DCUN1D1: variants seen among roughly 807,000 people sequenced by gnomAD.
DCUN1D1 encodes the protein defective in cullin neddylation 1 domain containing 1.
Under a neutral mutation model 39.0 loss-of-function variants are expected in DCUN1D1, and 3 were observed. That is an observed-to-expected ratio of 0.08 (90% CI 0.04 to 0.20). The LOEUF (loss-of-function observed/expected upper bound fraction) is 0.20. DCUN1D1 is among the 10% of genes least tolerant of loss of function. DCUN1D1 has a pLI of 1.00. For missense variants in DCUN1D1, 158 were observed against 302.4 expected (o/e 0.52, Z 3.54); for synonymous variants, 82 against 96.3 (o/e 0.85, Z 0.87).
rs1726067484 is a variant in DCUN1D1, at chr3:182,940,015, G to A, written c.*5079C>T. ...ACACGCTGCTTTCAAAGGATTCCAA[G>A]TACACCCATCTCTAAATCTTACTGA... On this transcript the variant is annotated 3_prime_UTR_variant, in exon 7 of 7. Transcript: ENST00000292782. 1.3e-5 allele frequency: 2 copies of A among 152,132 alleles called. No homozygotes were observed. The highest frequency in any genetic ancestry group is 4.8e-5 in the African/African-American group (2 of 41,444). The allele number at this position is 152,132 out of a possible 1,614,324, so 9.4% of individuals were successfully genotyped here.
chr3:182,976,221 C>T (rs1426812704), intron 1 of DCUN1D1, among the ~76,000 whole-genome samples: 1 of 152,082 alleles, frequency 6.6e-6, no homozygotes, highest in Non-Finnish European at 1.5e-5. Flanking sequence ...TCTGAAAAAA[C>T]TGCTTTTAAA....
intron 1 of DCUN1D1, among the ~76,000 whole-genome samples, chr3:182,971,863 A>G (rs1466647966): frequency 1.3e-5 from 2 of 152,178 alleles, no homozygotes; most frequent in Non-Finnish European, 2.9e-5. Context: ...GAAAAGAAAA[A>G]CAAAAAGGGC....
chr3:182,977,048 G>A (rs1182192929), intron 1 of DCUN1D1, among the ~76,000 whole-genome samples: 7 of 152,158 alleles, frequency 4.6e-5, no homozygotes, highest in African/African-American at 1.4e-4. Context: ...CCATTAATAT[G>A]AATTTTGTTA....
At chr3:182,947,426 C>G in intron 5 of DCUN1D1, 92 bp from the exon 6 acceptor site, 1 of 1,118,050 alleles carries the variant, frequency 8.9e-7, no homozygotes, top group Non-Finnish European at 1.3e-6. Flanking sequence ...GAATGCAAAA[C>G]AATTATGTAA....
In DCUN1D1 at chr3:182,942,390, TA is replaced by T. The variant is rs1422772070; in HGVS notation, c.*2703del. On this transcript the variant is annotated 3_prime_UTR_variant, in exon 7 of 7. Coordinates refer to ENST00000292782, the MANE Select transcript of DCUN1D1 (RefSeq NM_020640.4). ...GTCATGGCAATTTCACTGCAGCTTT[TA>T]TTGCCTCTGTTGGTAATATGACAGG... is the stretch of plus-strand genomic sequence containing the variant. The T allele has an allele frequency of 6.6e-6, 1 of 152,142 alleles. No individual in the cohort carries two copies. Among genetic ancestry groups the T allele is most frequent in the Non-Finnish European group, 1.5e-5 (1 of 68,008 alleles). The allele number at this position is 152,142 out of a possible 1,614,324, so 9.4% of individuals were successfully genotyped here.
chr3:182,979,323 A>G (rs1369056804), intron 1 of DCUN1D1, among the ~76,000 whole-genome samples: 1 of 152,224 alleles, frequency 6.6e-6, no homozygotes, highest in African/African-American at 2.4e-5. Context: ...TTCAGCAAAA[A>G]TAAGACCAAC....
chr3:182,939,435 A>G lies in DCUN1D1; in HGVS notation c.*5659T>C, dbSNP rs79572438. On this transcript the variant is annotated 3_prime_UTR_variant, in exon 7 of 7. Coordinates refer to ENST00000292782, the MANE Select transcript of DCUN1D1 (RefSeq NM_020640.4). ...GCATTATTATTCGCAATTTAAAAAA[A>G]CTAATTGTAGGCCAGCCAAATGTCT... The G allele has an allele frequency of 6.6e-6, 1 of 152,250 alleles. No homozygotes were observed. Among genetic ancestry groups the G allele is most frequent in the East Asian group, 1.9e-4 (1 of 5,202 alleles). 9.4% of individuals were successfully genotyped at this position (152,250 alleles called of 1,614,324 possible).
At chr3:182,967,767 A>G (rs1727745032) in intron 1 of DCUN1D1, among the ~76,000 whole-genome samples, 1 of 152,264 alleles carries the variant, frequency 6.6e-6, no homozygotes, top group South Asian at 2.1e-4. Context: ...TTTACTGTTC[A>G]ATGACAACAA....
At position 182,945,069 on chromosome 3, in the gene DCUN1D1, T is replaced by A; in HGVS notation, c.*25A>T. ...TGTTGTATTTATTGTACAGACTATG[T>A]ACATTCTAGAAGGTTCCTTTAGTGC... On this transcript the variant is annotated 3_prime_UTR_variant, in exon 7 of 7. Transcript: ENST00000292782. 1 of 1,591,406 alleles carries A rather than the reference T, an allele frequency of 6.3e-7. No individual in the cohort carries two copies. The highest frequency in any genetic ancestry group is 8.6e-7 in the Non-Finnish European group (1 of 1,161,424).
At chr3:182,964,709 T>C (rs1727579408) in intron 2 of DCUN1D1, among the ~76,000 whole-genome samples, 1 of 151,008 alleles carries the variant, frequency 6.6e-6, no homozygotes, top group African/African-American at 2.4e-5. Flanking sequence ...GGCATGATCT[T>C]AGCTCACTGT....
intron 1 of DCUN1D1, among the ~76,000 whole-genome samples, chr3:182,975,901 T>C (rs938155937): frequency 7.1e-6 from 1 of 141,036 alleles, no homozygotes; most frequent in Admixed American, 7.2e-5. Context: ...ATTTCAGAAG[T>C]GGGAGTGGAG....
At chr3:182,968,605 CT>C (rs953091292) in intron 1 of DCUN1D1, among the ~76,000 whole-genome samples, 248 of 145,556 alleles carry the variant, frequency 1.7e-3, no homozygotes, top group Admixed American at 4.0e-3. Flanking sequence ...TAAATGTAAA[CT>C]TTTTTTTTTT....
At chr3:182,968,937 C>T (rs1484230310) in intron 1 of DCUN1D1, among the ~76,000 whole-genome samples, 1 of 152,148 alleles carries the variant, frequency 6.6e-6, no homozygotes, top group Non-Finnish European at 1.5e-5. Flanking sequence ...TATAAATTTC[C>T]ACTATATAGG....
At chr3:182,966,193 A>G (rs1727659115) in intron 1 of DCUN1D1, among the ~76,000 whole-genome samples, 1 of 152,170 alleles carries the variant, frequency 6.6e-6, no homozygotes, top group African/African-American at 2.4e-5. Flanking sequence ...CTGGGGAACC[A>G]TGAGATTAAC....
At chr3:182,967,742 A>G (rs1051026977) in intron 1 of DCUN1D1, among the ~76,000 whole-genome samples, 3 of 152,240 alleles carry the variant, frequency 2.0e-5, no homozygotes, top group African/African-American at 7.2e-5. Context: ...TTTGAAAACT[A>G]TCTCCTCCTT....
chr3:182,965,539 T>C lies in DCUN1D1; in HGVS notation c.218A>G (p.Lys73Arg). ...KKLEQLYNRY[K>R]DPQDENKIGI... ...TAAAGTCACAAGCAAGCACTCACCT[T>C]TGTATCTATTGTACAGCTGTTCTAA... The change falls in exon 2 of 7, where the codon AAA becomes AGA. Residue 73 changes from lysine to arginine, a missense_variant and splice_region_variant. Around this residue, in one of 4 missense-constraint regions of DCUN1D1, gnomAD observed 107 missense variants for 174.7 expected, o/e 0.61. Coordinates refer to ENST00000292782, the MANE Select transcript of DCUN1D1 (RefSeq NM_020640.4). 1 of 1,606,176 alleles carries C rather than the reference T, an allele frequency of 6.2e-7. No homozygotes were observed. Among genetic ancestry groups the C allele is most frequent in the South Asian group, 1.1e-5 (1 of 90,796 alleles).
chr3:182,962,763 A>G (rs1355105078), intron 3 of DCUN1D1, among the ~76,000 whole-genome samples: 4 of 152,098 alleles, frequency 2.6e-5, no homozygotes, highest in Non-Finnish European at 5.9e-5. Flanking sequence ...TGTTAAAATT[A>G]CAGGTGTGGT....
chr3:182,964,151 A>C lies in DCUN1D1; in HGVS notation c.221-102T>G. 5.6e-6 allele frequency: 5 copies of C among 893,238 alleles called. No homozygotes were observed. In the South Asian group the frequency reaches 8.8e-5, roughly 16 times the overall value. 55.3% of individuals were successfully genotyped at this position (893,238 alleles called of 1,614,324 possible). A position where few individuals can be genotyped will look rare whatever the true frequency, so the allele number is the denominator to read the frequency against. ...ATATGCCATTTTTTAAATGACCACA[A>C]TATATGGAAGGCATGAAACGATATT... On this transcript the variant is annotated intron_variant, in intron 2 of 6. Transcript: ENST00000292782.
At chr3:182,960,144 T>C (rs1363073549) in intron 4 of DCUN1D1, among the ~76,000 whole-genome samples, 8 of 152,130 alleles carry the variant, frequency 5.3e-5, no homozygotes, top group African/African-American at 1.9e-4. Context: ...ACAAGACAAG[T>C]AGTATATGTA....
Sources: gnomAD v4.1 joint callset for allele counts (sites outside exome capture counted in the v4.1 genomes callset) on GRCh38, gnomAD v4.1.1 for gene constraint, gnomAD v4.1.1 regional missense constraint, MANE v1.5 for transcripts, NCBI Gene and HGNC (gene_info 2026-07-23, HGNC 2026-07-21) for gene names.